TMEM272: variants seen among roughly 807,000 people sequenced by gnomAD.
TMEM272 encodes transmembrane protein 272.
In TMEM272, 8 loss-of-function variants were observed where a neutral mutation model predicts 3.7. The ratio of observed to expected loss-of-function variants is 2.17; its 90% CI spans 1.27 to 3.91. The LOEUF (loss-of-function observed/expected upper bound fraction) is 3.91, where lower values mean the gene tolerates loss of function less well. TMEM272 is among the 30% of genes most tolerant of loss of function. The probability of loss-of-function intolerance (pLI) is 0.00; values close to 1 mark genes in which losing one functional copy is unlikely to be tolerated. For missense variants in TMEM272, 166 were observed against 91.5 expected (o/e 1.81, Z -3.32); for synonymous variants, 63 against 39.8 (o/e 1.58, Z -2.20).
intron 1 of TMEM272, among the ~76,000 whole-genome samples, chr13:51,842,567 A>G (rs1009127548): frequency 2.0e-5 from 3 of 152,242 alleles, no homozygotes; most frequent in Non-Finnish European, 2.9e-5. Context: ...CAAGGAGAAA[A>G]GAAAATCATT....
intron 3 of TMEM272, among the ~76,000 whole-genome samples, chr13:51,826,241 CT>C (rs1241864905): frequency 6.6e-6 from 1 of 151,448 alleles, no homozygotes; most frequent in Non-Finnish European, 1.5e-5. Flanking sequence ...AACATAGGAA[CT>C]GGGAAGGGAC....
the TMEM272 span, among the ~76,000 whole-genome samples, chr13:51,887,640 T>C: frequency 6.6e-6 from 1 of 152,214 alleles, no homozygotes; most frequent in Admixed American, 6.5e-5. Flanking sequence ...CATATCCTTA[T>C]GTGGCTCATT....
At chr13:51,856,972 C>T in the TMEM272 span, among the ~76,000 whole-genome samples, 3 of 152,136 alleles carry the variant, frequency 2.0e-5, no homozygotes, top group African/African-American at 4.8e-5. Context: ...ATTTGGATTT[C>T]AGTGTTGTGT....
the TMEM272 span, among the ~76,000 whole-genome samples, chr13:51,889,644 T>G: frequency 4.7e-3 from 705 of 149,692 alleles, 8 homozygotes; most frequent in African/African-American, 0.015. Context: ...GTGGGGGGGT[T>G]TTGTTTGTTT....
rs1955985275 is a variant in TMEM272 at position 51,813,354 on chromosome 13, G to A, written c.*3397C>T. 5.0e-6 allele frequency: 2 copies of A among 398,256 alleles called. No individual in the cohort carries two copies. Among genetic ancestry groups the A allele is most frequent in the Non-Finnish European group, 8.8e-6 (2 of 226,016 alleles). The allele number at this position is 398,256 out of a possible 1,614,324, so 24.7% of individuals were successfully genotyped here. On this transcript the variant is annotated 3_prime_UTR_variant, in exon 5 of 5. Coordinates refer to ENST00000629372, the MANE Select transcript of TMEM272 (RefSeq NM_001351003.2). ...CAAGGAAGACACTGGGGAACAAATT[G>A]AACAAAGTTTATTTCATCAACAATG...
At chr13:51,905,775 C>T in the TMEM272 span, among the ~76,000 whole-genome samples, 1 of 152,268 alleles carries the variant, frequency 6.6e-6, no homozygotes, top group East Asian at 1.9e-4. Context: ...GGCTCTGCCT[C>T]ATTAGCCTCG....
At chr13:51,898,511 T>C in the TMEM272 span, among the ~76,000 whole-genome samples, 1 of 151,708 alleles carries the variant, frequency 6.6e-6, no homozygotes, top group Admixed American at 6.6e-5. Flanking sequence ...ATAAATATCA[T>C]GCATTTTCTG....
intron 1 of TMEM272, among the ~76,000 whole-genome samples, chr13:51,842,821 T>C (rs1956273978): frequency 6.6e-6 from 1 of 152,214 alleles, no homozygotes; most frequent in African/African-American, 2.4e-5. Flanking sequence ...TCAAACTATA[T>C]TTCTCTATAT....
intron 2 of TMEM272, among the ~76,000 whole-genome samples, chr13:51,834,818 GT>G (rs1180681989): frequency 6.6e-6 from 1 of 152,206 alleles, no homozygotes; most frequent in Non-Finnish European, 1.5e-5. Flanking sequence ...GTTTCATTGA[GT>G]TATCCTATGA....
intron 2 of TMEM272, among the ~76,000 whole-genome samples, chr13:51,833,503 C>T (rs1956190141): frequency 6.6e-6 from 1 of 152,082 alleles, no homozygotes; most frequent in South Asian, 2.1e-4. Context: ...TGTGAGGCTC[C>T]AGCAGCGCCT....
chr13:51,892,619 G>A, the TMEM272 span, among the ~76,000 whole-genome samples: 1 of 152,120 alleles, frequency 6.6e-6, no homozygotes, highest in East Asian at 1.9e-4. Flanking sequence ...ATCTCTCTCT[G>A]TAGGTGACCA....
At chr13:51,909,394 T>A in the TMEM272 span, 138 of 873,390 alleles carry the variant, frequency 1.6e-4, 2 homozygotes, top group South Asian at 1.5e-3. Flanking sequence ...TTAGAAAGTT[T>A]CTCTTTCTCT....
intron 3 of TMEM272, among the ~76,000 whole-genome samples, chr13:51,823,529 CCT>C (rs759037168): frequency 6.6e-4 from 101 of 152,354 alleles, no homozygotes; most frequent in Non-Finnish European, 9.8e-4. Context: ...CCCCATGCCC[CCT>C]GAGCCATGAT....
Position 51,814,353 on chromosome 13 carries a change from C to T in TMEM272, c.*2398G>A, listed in dbSNP as rs1337446436. On this transcript the variant is annotated 3_prime_UTR_variant, in exon 5 of 5. Transcript: ENST00000629372. ...GGCCTTAATCAGTTATCATTCAAAGCCTGCTGCGCTTGAAGATGTCACCCA... is the reference window on the plus strand; with the variant it reads ...GGCCTTAATCAGTTATCATTCAAAGTCTGCTGCGCTTGAAGATGTCACCCA... 6.6e-6 allele frequency: 1 copy of T among 152,238 alleles called. No individual in the cohort carries two copies. The highest frequency in any genetic ancestry group is 2.4e-5 in the African/African-American group (1 of 41,454). The allele number at this position is 152,238 out of a possible 1,614,324, so 9.4% of individuals were successfully genotyped here. A position where few individuals can be genotyped will look rare whatever the true frequency, so the allele number is the denominator to read the frequency against.
rs1264488633 is a variant in TMEM272, at chr13:51,815,408, C to A, written c.*1343G>T. The A allele has an allele frequency of 6.6e-6, 1 of 152,542 alleles. No individual in the cohort carries two copies. The highest frequency in any genetic ancestry group is 1.5e-5 in the Non-Finnish European group (1 of 68,044). 9.4% of individuals were successfully genotyped at this position (152,542 alleles called of 1,614,324 possible). Reference sequence around the variant, plus strand: ...GGAAGACCCCATGGGACTCACGGGGCCTTTCTCTTAAAGCTACGGAGAAGA... The same window carrying A: ...GGAAGACCCCATGGGACTCACGGGGACTTTCTCTTAAAGCTACGGAGAAGA... On this transcript the variant is annotated 3_prime_UTR_variant, in exon 5 of 5. Coordinates refer to ENST00000629372, the MANE Select transcript of TMEM272 (RefSeq NM_001351003.2).
the TMEM272 span, among the ~76,000 whole-genome samples, chr13:51,908,048 C>T: frequency 6.6e-6 from 1 of 152,152 alleles, no homozygotes; most frequent in African/African-American, 2.4e-5. Flanking sequence ...ATAATTTACT[C>T]ATAAGATTCC....
chr13:51,909,493 TTC>T, the TMEM272 span: 1 of 962,110 alleles, frequency 1.0e-6, no homozygotes, highest in East Asian at 2.5e-5. Flanking sequence ...CTGTTGAAGT[TTC>T]TGATTCTCAC....
the TMEM272 span, among the ~76,000 whole-genome samples, chr13:51,890,495 C>T: frequency 6.6e-6 from 1 of 152,152 alleles, no homozygotes; most frequent in Non-Finnish European, 1.5e-5. Flanking sequence ...GCCCAGGACC[C>T]TCACCAGAAG....
chr13:51,913,286 C>T, the TMEM272 span, among the ~76,000 whole-genome samples: 12 of 152,280 alleles, frequency 7.9e-5, no homozygotes, highest in East Asian at 1.9e-4. Context: ...AAACAAATAA[C>T]CAAGGAGCTA....
Sources: allele counts gnomAD v4.1 joint callset (sites outside exome capture counted in the v4.1 genomes callset), GRCh38; gene constraint gnomAD v4.1.1; transcripts MANE v1.5; gene names NCBI Gene and HGNC (gene_info 2026-07-23, HGNC 2026-07-21).